Variants in MCOLN2 observed in about 807,000 individuals in gnomAD.
MCOLN2 encodes the protein mucolipin-2.
MCOLN2 carries 57 observed loss-of-function variants against 67.5 expected under a neutral mutation model. That is an observed-to-expected ratio of 0.84 (90% CI 0.68 to 1.05). The LOEUF is 1.05. Among genes scored for constraint, MCOLN2 ranks in the 50% least tolerant of loss-of-function variants. The pLI is 0.00. For synonymous variants in MCOLN2, 246 were observed against 233.3 expected (o/e 1.05, Z -0.50); for missense variants, 620 against 678.8 (o/e 0.91, Z 0.96).
chr1:84,955,699 C>T (rs1226124516), intron 4 of MCOLN2, among the ~76,000 whole-genome samples: 1 of 152,048 alleles, frequency 6.6e-6, no homozygotes, highest in African/African-American at 2.4e-5. Flanking sequence ...AGCAGGGAGA[C>T]CACAAGTAGT....
Position 84,931,625 on chromosome 1 carries a change from T to C in MCOLN2, c.1336-57A>G, listed in dbSNP as rs925846812. The C allele has an allele frequency of 6.1e-5, 85 of 1,398,162 alleles. 1 individual carries two copies. In the Middle Eastern group the frequency reaches 1.8e-3, roughly 29 times the overall value. The allele number at this position is 1,398,162 out of a possible 1,614,324, so 86.6% of individuals were successfully genotyped here. A position where few individuals can be genotyped will look rare whatever the true frequency, so the allele number is the denominator to read the frequency against. On this transcript the variant is annotated intron_variant, in intron 11 of 13. Transcript: ENST00000370608. ...ATAGAGTATTCTAAAAAGCAGAGGATATCTAGTTAGCTTGTTTTGTTAACA... is the reference window on the plus strand; with the variant it reads ...ATAGAGTATTCTAAAAAGCAGAGGACATCTAGTTAGCTTGTTTTGTTAACA...
chr1:84,937,873 A>G lies in MCOLN2; in HGVS notation c.1217T>C (p.Leu406Pro). The G allele has an allele frequency of 6.2e-7, 1 of 1,614,156 alleles. No homozygotes were observed. The highest frequency in any genetic ancestry group is 1.1e-5 in the South Asian group (1 of 91,080). Residue 406 changes from leucine (L) to proline (P), a missense_variant, in exon 11 of 14, where the codon CTG (leucine) becomes CCG (proline). Physicochemically the swap from Leu to Pro is moderately conservative, Grantham distance 98 (BLOSUM62 -3). Transcript: ENST00000370608. ...YLGYFQAYNV[L>P]ILTMQASLPK... ...CAGTGAGGCCTGCATTGTTAAAATC[A>G]GCACCTGAAAAAAAGAACAGAATGG...
chr1:84,954,180 G>A lies in MCOLN2; in HGVS notation c.566-1650C>T, dbSNP rs139744145. 1.9e-4 allele frequency among the ~76,000 whole-genome samples: 29 copies of A among 152,300 alleles called. No homozygotes were observed. The East Asian group carries it at 5.6e-3, about 29-fold the overall frequency. On this transcript the variant is annotated intron_variant, in intron 4 of 13. Transcript: ENST00000370608. ...GTCCTGATACACGGGATACACTTACGTTTAATGAAAATTAGATGTCCTGAG... is the reference window on the plus strand; with the variant it reads ...GTCCTGATACACGGGATACACTTACATTTAATGAAAATTAGATGTCCTGAG...
At chr1:84,931,597 G>A in intron 11 of MCOLN2, 29 bp from the exon 12 acceptor site, 1 of 1,569,218 alleles carries the variant, frequency 6.4e-7, no homozygotes, top group Non-Finnish European at 8.8e-7. Flanking sequence ...ACTAGTTTCT[G>A]AAATAGAGTA....
intron 12 of MCOLN2, 184 bp from the exon 13 acceptor site, chr1:84,929,863 T>G: frequency 4.5e-6 from 2 of 447,944 alleles, no homozygotes; most frequent in Non-Finnish European, 3.9e-6. Context: ...AGGGCCACTG[T>G]GGGAACAGAG....
intron 13 of MCOLN2, among the ~76,000 whole-genome samples, chr1:84,927,958 T>C (rs917732554): frequency 6.6e-6 from 1 of 152,126 alleles, no homozygotes; most frequent in Non-Finnish European, 1.5e-5. Context: ...TATACTTAAT[T>C]TTAGATGGAG....
chr1:84,956,455 TCA>T lies in MCOLN2; in HGVS notation c.539_540del (p.Leu180GlnfsTer3), dbSNP rs1648797081. 6.2e-7 allele frequency: 1 copy of T among 1,611,566 alleles called. No homozygotes were observed. Among genetic ancestry groups the T allele is most frequent in the African/African-American group, 1.3e-5 (1 of 74,876 alleles). Reference sequence around the variant, plus strand: ...CCGAGCTCAACGTCGTTGTCAATATTCAGTGTCTCATTAGAAGGAAACATGGT... The same window carrying T: ...CCGAGCTCAACGTCGTTGTCAATATTGTGTCTCATTAGAAGGAAACATGGT... ...KGTMFPSNETLNIDNDVELDC... is the reference protein window; with the variant it reads ...KGTMFPSNETXNIDNDVELDC... On this transcript the variant is annotated frameshift_variant, in exon 4 of 14. Coordinates refer to ENST00000370608, the MANE Select transcript of MCOLN2 (RefSeq NM_153259.4). LOFTEE classifies it high-confidence loss of function.
At chr1:84,971,543 CACGAT>C (rs1329463552) in intron 1 of MCOLN2, among the ~76,000 whole-genome samples, 8 of 140,674 alleles carry the variant, frequency 5.7e-5, no homozygotes, top group African/African-American at 2.2e-4. Context: ...CACACACACA[CACGAT>C]ATCTTATTGC....
At chr1:84,932,700 T>C (rs915876124) in intron 11 of MCOLN2, among the ~76,000 whole-genome samples, 4 of 152,234 alleles carry the variant, frequency 2.6e-5, no homozygotes, top group Non-Finnish European at 5.9e-5. Flanking sequence ...AATTGATTAC[T>C]CTTCCCCGCT....
At position 84,972,505 on chromosome 1, in the gene MCOLN2, T is replaced by G. The variant is rs138219135; in HGVS notation, c.78-6797A>C. Among the ~76,000 whole-genome samples the G allele has an allele frequency of 7.2e-3, 1,097 of 152,218 alleles. 17 individuals are homozygous for G. Among genetic ancestry groups the G allele is most frequent in the African/African-American group, 0.024 (1,017 of 41,528 alleles). On this transcript the variant is annotated intron_variant, in intron 1 of 13. Coordinates refer to ENST00000370608, the MANE Select transcript of MCOLN2 (RefSeq NM_153259.4). ...CAGTGGGTTAAATAAAAGCCAGAGA[T>G]GCTGGAATAGAAAATGAAAGAAAAG...
rs1661142852 is a variant in MCOLN2, at chr1:84,926,075, A to G, written c.*610T>C. 6.6e-6 allele frequency: 1 copy of G among 152,182 alleles called. No individual in the cohort carries two copies. The highest frequency in any genetic ancestry group is 2.1e-4 in the South Asian group (1 of 4,832). 9.4% of individuals were successfully genotyped at this position (152,182 alleles called of 1,614,324 possible). A position where few individuals can be genotyped will look rare whatever the true frequency, so the allele number is the denominator to read the frequency against. ...CGACTAATTTTTGTACTTTTTGTAG[A>G]GGTGGGTTTTTGCCATGTTGCCCAG... On this transcript the variant is annotated 3_prime_UTR_variant, in exon 14 of 14. Coordinates refer to ENST00000370608, the MANE Select transcript of MCOLN2 (RefSeq NM_153259.4).
At chr1:84,932,734 T>G (rs925847499) in intron 11 of MCOLN2, among the ~76,000 whole-genome samples, 1 of 152,196 alleles carries the variant, frequency 6.6e-6, no homozygotes, top group Non-Finnish European at 1.5e-5. Flanking sequence ...GGCCTGTCTG[T>G]TCCTATCACA....
At chr1:84,947,154 G>T in intron 6 of MCOLN2, 22 bp from the exon 7 acceptor site, 2 of 1,157,662 alleles carry the variant, frequency 1.7e-6, no homozygotes, top group Non-Finnish European at 2.6e-6. Context: ...AATGTATAGC[G>T]AGATTACAAC....
chr1:84,936,039 T>C (rs1647408839), intron 11 of MCOLN2, among the ~76,000 whole-genome samples: 1 of 152,208 alleles, frequency 6.6e-6, no homozygotes, highest in Non-Finnish European at 1.5e-5. Flanking sequence ...CAGGCCGACC[T>C]GGGTTTGAAT....
chr1:84,948,967 T>C (rs1466925692), intron 6 of MCOLN2, among the ~76,000 whole-genome samples: 2 of 152,000 alleles, frequency 1.3e-5, no homozygotes, highest in East Asian at 1.9e-4. Context: ...CCATCTCTAA[T>C]AGAAAATACA....
chr1:84,965,130 C>T (rs942626980), intron 2 of MCOLN2, among the ~76,000 whole-genome samples: 2 of 152,054 alleles, frequency 1.3e-5, no homozygotes, highest in African/African-American at 4.8e-5. Flanking sequence ...CCTGATAGCG[C>T]CTGGGATCAG....
At chr1:84,992,370 T>C (rs1650933973) in intron 1 of MCOLN2, among the ~76,000 whole-genome samples, 2 of 152,250 alleles carry the variant, frequency 1.3e-5, no homozygotes, top group Admixed American at 1.3e-4. Flanking sequence ...ATGGACAACA[T>C]TCGCTGGACA....
chr1:84,990,297 CAAAAAAAAAAAAAAAAAAAA>C (rs34226507), intron 1 of MCOLN2, among the ~76,000 whole-genome samples: 1 of 34,958 alleles, frequency 2.9e-5, no homozygotes, highest in African/African-American at 1.1e-4. Context: ...GACTCCATCT[CAAAAAAAAAAAAAAAAAAAA>C]AAAAAAAAAA....
intron 1 of MCOLN2, among the ~76,000 whole-genome samples, chr1:84,984,767 G>T (rs1188138904): frequency 2.0e-5 from 3 of 152,166 alleles, no homozygotes; most frequent in African/African-American, 7.2e-5. Context: ...AGGCCAAGGC[G>T]GTGGATCACT....
Sources: gnomAD v4.1 joint callset for allele counts (sites outside exome capture counted in the v4.1 genomes callset) on GRCh38, gnomAD v4.1.1 for gene constraint, MANE v1.5 for transcripts, NCBI Gene and HGNC (gene_info 2026-07-23, HGNC 2026-07-21) for gene names.